Variants in GRK3 observed in about 807,000 individuals in gnomAD.
GRK3 encodes the protein adrenergic, beta, receptor kinase 2.
GRK3 carries 54 observed loss-of-function variants against 95.7 expected under a neutral mutation model. The observed-to-expected ratio is 0.56, with a 90% CI of 0.45 to 0.71. GRK3 has a LOEUF of 0.71. GRK3 is among the 30% of genes least tolerant of loss of function. GRK3 has a pLI of 0.00. For synonymous variants in GRK3, 281 were observed against 290.8 expected (o/e 0.97, Z 0.34); for missense variants, 649 against 851.2 (o/e 0.76, Z 2.96).
chr22:25,650,201 C>G (rs1342144959), intron 3 of GRK3, among the ~76,000 whole-genome samples: 1 of 152,092 alleles, frequency 6.6e-6, no homozygotes, highest in East Asian at 1.9e-4. Context: ...GCCACCACAC[C>G]TGGCTAATTT....
rs1402603641 is a variant in GRK3 at position 25,564,848 on chromosome 22, C to G, written c.-193C>G. Reference sequence around the variant, plus strand: ...GGAGCGGGGAGGCGTGCTGCGACCCCGGCCGGCTACAGCCTGCGGCGCGCG... The same window carrying G: ...GGAGCGGGGAGGCGTGCTGCGACCCGGGCCGGCTACAGCCTGCGGCGCGCG... On this transcript the variant is annotated 5_prime_UTR_variant, in exon 1 of 21. Transcript: ENST00000324198. The G allele has an allele frequency of 4.1e-5, 6 of 144,710 alleles. No individual in the cohort carries two copies. In the East Asian group the frequency reaches 1.3e-3, roughly 30 times the overall value. 9.0% of individuals were successfully genotyped at this position (144,710 alleles called of 1,614,324 possible).
intron 11 of GRK3, among the ~76,000 whole-genome samples, chr22:25,688,422 A>G (rs901085423): frequency 4.6e-5 from 7 of 152,286 alleles, no homozygotes; most frequent in African/African-American, 1.7e-4. Flanking sequence ...TGGTGAGCTA[A>G]GACATAGAAT....
At chr22:25,673,709 T>C (rs1052758312) in intron 7 of GRK3, among the ~76,000 whole-genome samples, 1 of 152,142 alleles carries the variant, frequency 6.6e-6, no homozygotes, top group Non-Finnish European at 1.5e-5. Context: ...CTTGCTATTG[T>C]CTTACGGCCT....
chr22:25,617,809 CTT>C (rs374443466), intron 2 of GRK3, among the ~76,000 whole-genome samples: 2 of 152,264 alleles, frequency 1.3e-5, no homozygotes, highest in East Asian at 3.9e-4. Flanking sequence ...TGGAGTCTCA[CTT>C]TGTTGCCCAG....
chr22:25,721,397 G>C lies in GRK3; in HGVS notation c.1905G>C (p.Glu635Asp). The C allele has an allele frequency of 2.6e-6, 4 of 1,523,540 alleles. No homozygotes were observed. The highest frequency in any genetic ancestry group is 3.6e-6 in the Non-Finnish European group (4 of 1,109,622). 94.4% of individuals were successfully genotyped at this position (1,523,540 alleles called of 1,614,324 possible). Residue 635 changes from glutamate to aspartate, a missense_variant and splice_region_variant, in exon 20 of 21, where the codon GAG (glutamate) becomes GAC (aspartate). Transcript: ENST00000324198. ...KGGKQFVLQC[E>D]SDPEFVQWKK... ...GGAAACAATTTGTCTTGCAATGTGA[G>C]GTGAGTTTTTATTTTTTCTTAGGTG...
At chr22:25,711,006 T>G in intron 16 of GRK3, 62 bp from the exon 17 acceptor site, 1 of 966,626 alleles carries the variant, frequency 1.0e-6, no homozygotes, top group Non-Finnish European at 1.6e-6. Context: ...TGTAGAATGT[T>G]AGGTTGGGAC....
chr22:25,681,543 G>A (rs2085074386), intron 9 of GRK3, among the ~76,000 whole-genome samples: 2 of 151,916 alleles, frequency 1.3e-5, no homozygotes, highest in Non-Finnish European at 2.9e-5. Context: ...AGACATGAAG[G>A]CCAGGCCAGA....
intron 1 of GRK3, among the ~76,000 whole-genome samples, chr22:25,590,425 A>G (rs945230763): frequency 2.6e-5 from 4 of 151,740 alleles, no homozygotes; most frequent in African/African-American, 9.7e-5. Flanking sequence ...CTCTTCTATC[A>G]TTATTTTCTC....
chr22:25,663,795 G>A, intron 5 of GRK3, 91 bp downstream of exon 5: 1 of 865,660 alleles, frequency 1.2e-6, no homozygotes, highest in Non-Finnish European at 1.9e-6. Flanking sequence ...TTACACTAGA[G>A]GACTTGCTTT....
At chr22:25,574,562 C>G (rs1170001232) in intron 1 of GRK3, among the ~76,000 whole-genome samples, 1 of 152,210 alleles carries the variant, frequency 6.6e-6, no homozygotes, top group African/African-American at 2.4e-5. Flanking sequence ...TTAAATATTG[C>G]AGACTTTCAT....
At chr22:25,613,781 C>T (rs763892881) in intron 2 of GRK3, among the ~76,000 whole-genome samples, 10 of 152,184 alleles carry the variant, frequency 6.6e-5, no homozygotes, top group East Asian at 1.9e-4. Context: ...GGCTGGGAGC[C>T]GCCACATGCC....
Position 25,722,656 on chromosome 22 carries a change from T to C in GRK3, c.*206T>C, listed in dbSNP as rs1230292155. On this transcript the variant is annotated 3_prime_UTR_variant, in exon 21 of 21. Coordinates refer to ENST00000324198, the MANE Select transcript of GRK3 (RefSeq NM_005160.4). ...GAAACTACTGAAGAAATAAAAGTTC[T>C]TTTTCTTTGCTACACACTTTGGTAC... 2.0e-6 allele frequency: 1 copy of C among 502,518 alleles called. No individual in the cohort carries two copies. Among genetic ancestry groups the C allele is most frequent in the East Asian group, 3.1e-5 (1 of 31,872 alleles). The allele number at this position is 502,518 out of a possible 1,614,324, so 31.1% of individuals were successfully genotyped here.
At chr22:25,683,589 G>A (rs941287278) in intron 9 of GRK3, among the ~76,000 whole-genome samples, 4 of 152,172 alleles carry the variant, frequency 2.6e-5, no homozygotes, top group Admixed American at 1.3e-4. Flanking sequence ...GTTTAGTGAT[G>A]GCATATTGTA....
At chr22:25,598,101 CA>C (rs1428583400) in intron 1 of GRK3, among the ~76,000 whole-genome samples, 2 of 151,972 alleles carry the variant, frequency 1.3e-5, no homozygotes, top group African/African-American at 4.8e-5. Flanking sequence ...CAAAACAATG[CA>C]AATATATTAT....
At chr22:25,574,361 C>A (rs1056454486) in intron 1 of GRK3, among the ~76,000 whole-genome samples, 3 of 151,894 alleles carry the variant, frequency 2.0e-5, no homozygotes, top group Non-Finnish European at 4.4e-5. Context: ...TGGTGCGCAC[C>A]TATGGTCCCA....
chr22:25,719,718 G>A (rs954739437), intron 19 of GRK3, among the ~76,000 whole-genome samples: 2 of 150,410 alleles, frequency 1.3e-5, no homozygotes, highest in East Asian at 2.0e-4. Context: ...GGCCTGGTGA[G>A]TCATCGTAAG....
At chr22:25,722,041 G>A (rs2085436523) in intron 20 of GRK3, among the ~76,000 whole-genome samples, 1 of 152,210 alleles carries the variant, frequency 6.6e-6, no homozygotes, top group Non-Finnish European at 1.5e-5. Context: ...ATTAAAGGCA[G>A]TGATTCTCAG....
At chr22:25,686,406 A>T (rs1399585034) in intron 10 of GRK3, among the ~76,000 whole-genome samples, 2 of 152,014 alleles carry the variant, frequency 1.3e-5, no homozygotes, top group Non-Finnish European at 2.9e-5. Flanking sequence ...CCTTTGTGTG[A>T]GTGGGGCTTG....
chr22:25,705,583 A>C (rs2085293512), intron 15 of GRK3, among the ~76,000 whole-genome samples: 1 of 152,204 alleles, frequency 6.6e-6, no homozygotes, highest in Admixed American at 6.5e-5. Context: ...ACCTTAAGTT[A>C]GTCATATATA....
Sources: gnomAD v4.1 joint callset for allele counts (sites outside exome capture counted in the v4.1 genomes callset) on GRCh38, gnomAD v4.1.1 for gene constraint, MANE v1.5 for transcripts, NCBI Gene and HGNC (gene_info 2026-07-23, HGNC 2026-07-21) for gene names.